Variants in PTPRG observed in about 807,000 individuals in gnomAD.
PTPRG encodes protein tyrosine phosphatase receptor type G, also known as receptor-type tyrosine-protein phosphatase gamma.
A neutral mutation model predicts 165.3 loss-of-function variants in PTPRG; 102 were observed. The ratio of observed to expected loss-of-function variants is 0.62; its 90% CI spans 0.53 to 0.73. PTPRG has a LOEUF of 0.73. Ranked by LOEUF, PTPRG falls within the 30% of genes least tolerant of loss-of-function variation. The pLI, the probability that PTPRG is intolerant of heterozygous loss-of-function variation, is 0.00. For missense variants in PTPRG, 1,866 were observed against 1,861.4 expected (o/e 1.00, Z -0.05); for synonymous variants, 675 against 669.5 (o/e 1.01, Z -0.13).
At chr3:61,695,749 T>A (rs914231763) in intron 1 of PTPRG, among the ~76,000 whole-genome samples, 7 of 152,198 alleles carry the variant, frequency 4.6e-5, no homozygotes, top group African/African-American at 1.7e-4. Context: ...AGTGGTGTAG[T>A]TCAAGTTTTA....
At chr3:62,235,103 C>T (rs1638888299) in intron 14 of PTPRG, among the ~76,000 whole-genome samples, 1 of 152,152 alleles carries the variant, frequency 6.6e-6, no homozygotes, top group Admixed American at 6.5e-5. Flanking sequence ...TTTACCCAGA[C>T]ATTTTAGATT....
chr3:62,093,795 T>G (rs1191709237), intron 5 of PTPRG, among the ~76,000 whole-genome samples: 1 of 152,188 alleles, frequency 6.6e-6, no homozygotes, highest in East Asian at 1.9e-4. Context: ...GCTTTTCCTT[T>G]TAGTGAACCT....
chr3:62,215,127 G>C (rs1443959386), intron 12 of PTPRG, among the ~76,000 whole-genome samples: 3 of 152,182 alleles, frequency 2.0e-5, no homozygotes, highest in South Asian at 4.1e-4. Flanking sequence ...GGGGATGGAA[G>C]GCTCTGCTCC....
At chr3:62,143,163 T>C (rs1435714333) in intron 6 of PTPRG, among the ~76,000 whole-genome samples, 1 of 152,208 alleles carries the variant, frequency 6.6e-6, no homozygotes, top group African/African-American at 2.4e-5. Context: ...TGAAGACATA[T>C]TGAACAGGAC....
intron 3 of PTPRG, among the ~76,000 whole-genome samples, chr3:61,998,104 G>C (rs543601681): frequency 3.3e-5 from 5 of 152,346 alleles, no homozygotes; most frequent in African/African-American, 1.2e-4. Flanking sequence ...TTTAGCCTGT[G>C]TTATACACAC....
intron 1 of PTPRG, among the ~76,000 whole-genome samples, chr3:61,649,394 C>G (rs1702288095): frequency 6.6e-6 from 1 of 152,148 alleles, no homozygotes; most frequent in Admixed American, 6.5e-5. Context: ...TAGGTGCCAG[C>G]AGGTTCAGCT....
chr3:61,688,436 T>C (rs2029910595), intron 1 of PTPRG, among the ~76,000 whole-genome samples: 1 of 152,166 alleles, frequency 6.6e-6, no homozygotes, highest in African/African-American at 2.4e-5. Flanking sequence ...GGCTCTCTTT[T>C]CTCAGTCGCC....
chr3:62,015,324 G>A (rs2041516649), intron 4 of PTPRG, among the ~76,000 whole-genome samples: 1 of 152,146 alleles, frequency 6.6e-6, no homozygotes, highest in African/African-American at 2.4e-5. Flanking sequence ...GCAGGAGAAA[G>A]GAGCAGAGTG....
At chr3:61,903,252 C>T (rs926890688) in intron 2 of PTPRG, among the ~76,000 whole-genome samples, 8 of 152,220 alleles carry the variant, frequency 5.3e-5, no homozygotes, top group Non-Finnish European at 7.3e-5. Context: ...TTACCTCGTC[C>T]TTTCATCTGA....
At chr3:61,965,190 G>C (rs2040240634) in intron 2 of PTPRG, among the ~76,000 whole-genome samples, 1 of 151,242 alleles carries the variant, frequency 6.6e-6, no homozygotes, top group Admixed American at 6.6e-5. Flanking sequence ...GTTACATTGA[G>C]CCGAGATGGC....
rs532499127 is a variant in PTPRG at position 62,245,796 on chromosome 3, G to C, written c.2467+1898G>C. ...GGTAATCCCAGCAGTCATGGAGAGA[G>C]AGCATTTGCATGACTCTCATGTTAA... is the stretch of plus-strand genomic sequence containing the variant. On this transcript the variant is annotated intron_variant, in intron 15 of 29. Transcript: ENST00000474889. This position sits in a 1 kb window ranked among gnomAD's most constrained non-coding sequence, Gnocchi z 4.2. Among the ~76,000 whole-genome samples the C allele has an allele frequency of 1.2e-4, 18 of 152,104 alleles. No homozygotes were observed. Among genetic ancestry groups the C allele is most frequent in the Non-Finnish European group, 2.4e-4 (16 of 67,992 alleles).
intron 1 of PTPRG, among the ~76,000 whole-genome samples, chr3:61,651,606 T>C (rs1702356460): frequency 1.3e-5 from 2 of 152,178 alleles, no homozygotes; most frequent in African/African-American, 4.8e-5. Flanking sequence ...CCGTGCACCA[T>C]GTTGGAAGTT....
intron 2 of PTPRG, among the ~76,000 whole-genome samples, chr3:61,779,999 A>C (rs1044076194): frequency 6.6e-6 from 1 of 152,200 alleles, no homozygotes; most frequent in Non-Finnish European, 1.5e-5. Context: ...CAAAGAAAGT[A>C]TTGGTACCTC....
intron 2 of PTPRG, among the ~76,000 whole-genome samples, chr3:61,962,750 A>G (rs1023433221): frequency 6.6e-5 from 10 of 152,200 alleles, no homozygotes; most frequent in African/African-American, 2.2e-4. Flanking sequence ...AGTATGTGTC[A>G]GGCACTGTTC....
At chr3:61,978,326 T>G (rs375655745) in intron 2 of PTPRG, among the ~76,000 whole-genome samples, 2 of 152,176 alleles carry the variant, frequency 1.3e-5, no homozygotes, top group South Asian at 4.2e-4. Context: ...TATCAGTCTT[T>G]TTTGGCTTCT....
intron 2 of PTPRG, among the ~76,000 whole-genome samples, chr3:61,841,724 C>T (rs2036638523): frequency 6.6e-6 from 1 of 152,104 alleles, no homozygotes; most frequent in Non-Finnish European, 1.5e-5. Flanking sequence ...GAGAGTACTA[C>T]TGTGGAATAG....
chr3:61,717,890 C>CT (rs1193939071), intron 1 of PTPRG, among the ~76,000 whole-genome samples: 1 of 151,986 alleles, frequency 6.6e-6, no homozygotes, highest in East Asian at 1.9e-4. Flanking sequence ...TTTGTAAAAA[C>CT]TAAGACTCGA....
intron 2 of PTPRG, among the ~76,000 whole-genome samples, chr3:61,783,214 C>T (rs1024555053): frequency 1.3e-5 from 2 of 152,142 alleles, no homozygotes; most frequent in Non-Finnish European, 2.9e-5. Flanking sequence ...GTAGCATGTG[C>T]CTATAGTCCT....
At chr3:61,792,339 C>G (rs960255822) in intron 2 of PTPRG, among the ~76,000 whole-genome samples, 1 of 151,952 alleles carries the variant, frequency 6.6e-6, no homozygotes, top group African/African-American at 2.4e-5. Context: ...CACCCACCCC[C>G]GTCACCCCTC....
Sources: allele counts gnomAD v4.1 joint callset (sites outside exome capture counted in the v4.1 genomes callset), GRCh38; gene constraint gnomAD v4.1.1; non-coding constraint Gnocchi (gnomAD v3.1); transcripts MANE v1.5; gene names NCBI Gene and HGNC (gene_info 2026-07-23, HGNC 2026-07-21).